DENND5A: variants seen among roughly 807,000 people sequenced by gnomAD.
DENND5A encodes the protein DENN domain containing 5A, also known as DENN domain-containing protein 5A.
Under a neutral mutation model 140.3 loss-of-function variants are expected in DENND5A, and 64 were observed. That is an observed-to-expected ratio of 0.46 (90% confidence interval 0.37 to 0.56). The LOEUF (loss-of-function observed/expected upper bound fraction) is 0.56. Ranked by LOEUF, DENND5A falls within the 20% of genes least tolerant of loss-of-function variation. The probability of loss-of-function intolerance (pLI) is 0.00; values close to 1 mark genes in which losing one functional copy is unlikely to be tolerated. For synonymous variants in DENND5A, 605 were observed against 607.7 expected, an observed-to-expected ratio of 1.00 and a Z score of 0.07; for missense variants, 1,292 against 1,593.8, an observed-to-expected ratio of 0.81 and a Z score of 3.22.
Position 9,180,748 on chromosome 11 carries a change from A to T in DENND5A, c.1455+19T>A. ...CTAGCACAGATCACACGTGTCACAG[A>T]CTCATATACACATCTTACCTTTTCC... On this transcript the variant is annotated intron_variant, in intron 6 of 22. Coordinates refer to ENST00000328194, the MANE Select transcript of DENND5A (RefSeq NM_015213.4). 2 of 1,605,574 alleles carry T rather than the reference A, an allele frequency of 1.2e-6. No individual in the cohort carries two copies. Among genetic ancestry groups the T allele is most frequent in the Non-Finnish European group, 1.7e-6 (2 of 1,174,460 alleles).
In DENND5A at chr11:9,165,819, A is replaced by G. The variant is rs370829457; in HGVS notation, c.2283+17T>C. ...GCTAACAGAAATAGCACACATACAG[A>G]GATGTCCACAGCTTACCTTATTGCG... On this transcript the variant is annotated intron_variant, in intron 11 of 22. Coordinates refer to ENST00000328194, the MANE Select transcript of DENND5A (RefSeq NM_015213.4). The G allele has an allele frequency of 5.7e-4, 914 of 1,613,646 alleles. 11 individuals carry two copies. The South Asian group carries it at 9.5e-3, about 17-fold the overall frequency.
chr11:9,150,194 G>A lies in DENND5A; in HGVS notation c.2622C>T (p.Ile874=), dbSNP rs373547821. 4.5e-5 allele frequency: 73 copies of A among 1,613,474 alleles called. No individual in the cohort carries two copies. The highest frequency in any genetic ancestry group is 5.5e-5 in the Non-Finnish European group (65 of 1,179,724). The change falls in exon 15 of 23, where the codon ATC becomes ATT. Residue 874 remains isoleucine (I), a synonymous_variant. Coordinates refer to ENST00000328194, the MANE Select transcript of DENND5A (RefSeq NM_015213.4). ...LIQDMRHIQN[I]GEIKTDVGKA... is the part of the protein sequence containing the mutation. Reference sequence around the variant, plus strand: ...TTCCCACATCAGTCTTGATTTCCCCGATGTTCTGGATGTGCCTGGAGGAAG... The same window carrying A: ...TTCCCACATCAGTCTTGATTTCCCCAATGTTCTGGATGTGCCTGGAGGAAG...
chr11:9,149,205 T>A (rs1847531130), intron 15 of DENND5A, among the ~76,000 whole-genome samples: 1 of 152,160 alleles, frequency 6.6e-6, no homozygotes, highest in African/African-American at 2.4e-5. Context: ...CTCCACCTTA[T>A]CCCATCTCCA....
intron 1 of DENND5A, among the ~76,000 whole-genome samples, chr11:9,256,416 C>A (rs7115283): frequency 0.21 from 31,766 of 151,764 alleles, 3,510 homozygotes; most frequent in African/African-American, 0.26. Context: ...GCCGAGATTG[C>A]GCCATTGCAC....
chr11:9,246,815 C>T (rs1238271446), intron 1 of DENND5A, among the ~76,000 whole-genome samples: 2 of 152,114 alleles, frequency 1.3e-5, no homozygotes, highest in Non-Finnish European at 2.9e-5. Context: ...TACCTACAAC[C>T]CATAAACCCC....
chr11:9,232,598 C>A (rs1248838213), intron 1 of DENND5A, among the ~76,000 whole-genome samples: 1 of 152,046 alleles, frequency 6.6e-6, no homozygotes, highest in Non-Finnish European at 1.5e-5. Flanking sequence ...AGGGAGTAAC[C>A]TACACTGTCG....
intron 17 of DENND5A, 167 bp from the exon 18 acceptor site, chr11:9,145,280 C>A: frequency 1.6e-6 from 1 of 616,298 alleles, no homozygotes. Flanking sequence ...AGCACTATCT[C>A]ATGGGGGTGC....
At chr11:9,172,996 T>TA (rs1564895551) in intron 8 of DENND5A, among the ~76,000 whole-genome samples, 4 of 147,328 alleles carry the variant, frequency 2.7e-5, no homozygotes, top group South Asian at 4.3e-4. Context: ...TTTTTTTTTT[T>TA]TATATGTTTA....
At chr11:9,246,999 G>A (rs1439806230) in intron 1 of DENND5A, among the ~76,000 whole-genome samples, 1 of 152,106 alleles carries the variant, frequency 6.6e-6, no homozygotes, top group Non-Finnish European at 1.5e-5. Context: ...GGGAGGCCGA[G>A]GTGGGCAGAT....
intron 1 of DENND5A, among the ~76,000 whole-genome samples, chr11:9,256,408 C>T (rs571678580): frequency 2.8e-4 from 42 of 151,874 alleles, no homozygotes; most frequent in African/African-American, 9.4e-4. Flanking sequence ...TGCAGTGAGC[C>T]GAGATTGCGC....
intron 13 of DENND5A, among the ~76,000 whole-genome samples, chr11:9,151,489 G>C (rs142464237): frequency 9.1e-4 from 139 of 152,232 alleles, no homozygotes; most frequent in Middle Eastern, 6.8e-3. Flanking sequence ...CTAGTTTTCA[G>C]CCAATTATCT....
intron 7 of DENND5A, 118 bp from the exon 8 acceptor site, chr11:9,178,484 T>G: frequency 1.5e-6 from 1 of 649,290 alleles, no homozygotes. Flanking sequence ...AATACCAAGC[T>G]GCAAAATCTC....
At chr11:9,225,718 C>T (rs148229781) in intron 1 of DENND5A, among the ~76,000 whole-genome samples, 3,359 of 152,246 alleles carry the variant, frequency 0.022, 121 homozygotes, top group African/African-American at 0.077. Flanking sequence ...ACCAAGATCA[C>T]GCCACTCTAC....
intron 5 of DENND5A, among the ~76,000 whole-genome samples, chr11:9,186,083 T>C (rs1235934370): frequency 6.6e-6 from 1 of 152,224 alleles, no homozygotes; most frequent in Non-Finnish European, 1.5e-5. Flanking sequence ...TGTGTATCAT[T>C]CAATAAACAT....
At chr11:9,248,533 T>C (rs1344046432) in intron 1 of DENND5A, among the ~76,000 whole-genome samples, 1 of 151,988 alleles carries the variant, frequency 6.6e-6, no homozygotes, top group Non-Finnish European at 1.5e-5. Flanking sequence ...CATGTGTCTG[T>C]GGTCGCAGCT....
At chr11:9,246,441 T>A (rs965483723) in intron 1 of DENND5A, among the ~76,000 whole-genome samples, 9 of 151,704 alleles carry the variant, frequency 5.9e-5, no homozygotes, top group Non-Finnish European at 1.5e-5. Flanking sequence ...TGAAATCCCA[T>A]CTCTACTAAA....
chr11:9,228,963 T>A (rs1850648635), intron 1 of DENND5A, among the ~76,000 whole-genome samples: 1 of 152,104 alleles, frequency 6.6e-6, no homozygotes, highest in Non-Finnish European at 1.5e-5. Flanking sequence ...TTATGCAAAC[T>A]TAGGAAGGGG....
At chr11:9,152,923 G>A (rs113681327) in intron 12 of DENND5A, among the ~76,000 whole-genome samples, 26,652 of 151,528 alleles carry the variant, frequency 0.18, 2,633 homozygotes, top group Middle Eastern at 0.23. Context: ...ACTTGAACCC[G>A]GGAGGCAGAG....
At chr11:9,213,948 T>A (rs1220917603) in intron 1 of DENND5A, among the ~76,000 whole-genome samples, 1 of 152,144 alleles carries the variant, frequency 6.6e-6, no homozygotes, top group Admixed American at 6.6e-5. Flanking sequence ...CTGTAGATCA[T>A]CTGCAGCAAG....
Sources: gnomAD v4.1 joint callset for allele counts (sites outside exome capture counted in the v4.1 genomes callset) on GRCh38, gnomAD v4.1.1 for gene constraint, MANE v1.5 for transcripts, NCBI Gene and HGNC (gene_info 2026-07-23, HGNC 2026-07-21) for gene names.